The following TRPC7 variants were observed in gnomAD, a reference collection of about 807,000 sequenced individuals.
TRPC7 encodes the protein transient receptor potential cation channel subfamily C member 7.
In TRPC7, 42 loss-of-function variants were observed where a neutral mutation model predicts 90.1. The observed-to-expected ratio is 0.47, with a 90% CI of 0.36 to 0.60. The LOEUF (loss-of-function observed/expected upper bound fraction) is 0.60, where lower values mean the gene tolerates loss of function less well. Among genes scored for constraint, TRPC7 ranks in the 20% least tolerant of loss-of-function variants. The pLI is 0.00. For synonymous variants in TRPC7, 451 were observed against 436.3 expected (o/e 1.03, Z -0.42); for missense variants, 955 against 1,112.3 (o/e 0.86, Z 2.01).
At chr5:136,214,092 G>A (rs1447133138) in intron 11 of TRPC7, 1 of 155,934 alleles carries the variant, frequency 6.4e-6, no homozygotes, top group East Asian at 1.9e-4. Context: ...TGCAGCCGTG[G>A]TGGCCATGGA....
At chr5:136,307,065 A>G (rs761155566) in intron 3 of TRPC7, among the ~76,000 whole-genome samples, 2 of 152,226 alleles carry the variant, frequency 1.3e-5, no homozygotes, top group Non-Finnish European at 2.9e-5. Context: ...ATGTTTTGAT[A>G]TATGTATACA....
At chr5:136,294,701 A>T (rs556459904) in intron 3 of TRPC7, among the ~76,000 whole-genome samples, 16 of 152,312 alleles carry the variant, frequency 1.1e-4, no homozygotes, top group Non-Finnish European at 2.1e-4. Context: ...TGGGACTGTA[A>T]ACTAGTTCAA....
chr5:136,293,905 A>T (rs1372891922), intron 3 of TRPC7, among the ~76,000 whole-genome samples: 1 of 152,260 alleles, frequency 6.6e-6, no homozygotes, highest in Non-Finnish European at 1.5e-5. Context: ...ACAAGCCTAC[A>T]GTAACCAAAA....
chr5:136,301,265 G>T (rs1201120754), intron 3 of TRPC7, among the ~76,000 whole-genome samples: 1 of 149,662 alleles, frequency 6.7e-6, no homozygotes, highest in Non-Finnish European at 1.5e-5. Flanking sequence ...GACGTCAGAT[G>T]ATCCACCTGC....
At chr5:136,296,938 G>A (rs898614688) in intron 3 of TRPC7, among the ~76,000 whole-genome samples, 7 of 152,064 alleles carry the variant, frequency 4.6e-5, no homozygotes, top group Non-Finnish European at 1.0e-4. Flanking sequence ...CCCCTGCCTG[G>A]GGTTCCTGTT....
intron 5 of TRPC7, among the ~76,000 whole-genome samples, chr5:136,253,576 A>G (rs1210494325): frequency 2.0e-5 from 3 of 152,086 alleles, no homozygotes; most frequent in East Asian, 3.9e-4. Context: ...TGATGTTACT[A>G]TTGTAACTGA....
chr5:136,266,889 C>A (rs567148988), intron 4 of TRPC7, among the ~76,000 whole-genome samples: 1 of 152,188 alleles, frequency 6.6e-6, no homozygotes, highest in Non-Finnish European at 1.5e-5. Context: ...TAAAGCTATA[C>A]ATTTCTCACT....
intron 7 of TRPC7, among the ~76,000 whole-genome samples, chr5:136,244,199 T>C (rs1190087693): frequency 2.2e-5 from 3 of 138,892 alleles, no homozygotes; most frequent in African/African-American, 7.9e-5. Context: ...CTCTCCCTCC[T>C]CCTCCTTCTT....
intron 2 of TRPC7, among the ~76,000 whole-genome samples, chr5:136,335,276 G>A (rs1759618156): frequency 6.6e-6 from 1 of 152,024 alleles, no homozygotes; most frequent in East Asian, 1.9e-4. Context: ...AAGTCCTGCA[G>A]ACATTTCAAA....
intron 5 of TRPC7, among the ~76,000 whole-genome samples, chr5:136,261,493 C>A (rs117349496): frequency 6.6e-6 from 1 of 152,228 alleles, no homozygotes; most frequent in African/African-American, 2.4e-5. Flanking sequence ...TCTGCTTCCA[C>A]ACTAAATCCC....
chr5:136,342,153 T>C (rs1229329479), intron 2 of TRPC7, among the ~76,000 whole-genome samples: 4 of 152,208 alleles, frequency 2.6e-5, no homozygotes, highest in East Asian at 1.9e-4. Context: ...TTTTGAAATA[T>C]AGCCTCAACT....
chr5:136,323,616 T>C (rs1470308230), intron 2 of TRPC7, among the ~76,000 whole-genome samples: 1 of 152,220 alleles, frequency 6.6e-6, no homozygotes, highest in Non-Finnish European at 1.5e-5. Context: ...GTAGTCTTTT[T>C]TGCACATCTG....
chr5:136,365,487 T>G lies in TRPC7; in HGVS notation c.-233A>C. 2 of 570,150 alleles carry G rather than the reference T, an allele frequency of 3.5e-6. No homozygotes were observed. Among genetic ancestry groups the G allele is most frequent in the South Asian group, 4.9e-5 (2 of 41,100 alleles). The allele number at this position is 570,150 out of a possible 1,614,324, so 35.3% of individuals were successfully genotyped here. A position where few individuals can be genotyped will look rare whatever the true frequency, so the allele number is the denominator to read the frequency against. ...CGAGGCAGAACCGTGTTACCGTCCT[T>G]TTCCTAATCGGGGGGAAATTTCCCA... is the stretch of plus-strand genomic sequence containing the variant. On this transcript the variant is annotated 5_prime_UTR_variant, in exon 1 of 12. Transcript: ENST00000513104.
intron 2 of TRPC7, among the ~76,000 whole-genome samples, chr5:136,325,154 T>C (rs1487538513): frequency 6.6e-6 from 1 of 152,250 alleles, no homozygotes; most frequent in Non-Finnish European, 1.5e-5. Context: ...AACTATTCTG[T>C]AGAGCTGATA....
chr5:136,268,386 G>T (rs1399065452), intron 4 of TRPC7, among the ~76,000 whole-genome samples: 1 of 152,124 alleles, frequency 6.6e-6, no homozygotes, highest in African/African-American at 2.4e-5. Context: ...TCCCAGCAAG[G>T]TTTCAAGAAT....
chr5:136,291,307 T>C (rs1222097163), intron 3 of TRPC7, among the ~76,000 whole-genome samples: 1 of 152,238 alleles, frequency 6.6e-6, no homozygotes, highest in Non-Finnish European at 1.5e-5. Flanking sequence ...ACCTTAAATG[T>C]AAATGGGCTA....
chr5:136,317,066 G>A (rs1425017718), intron 2 of TRPC7, among the ~76,000 whole-genome samples: 1 of 152,142 alleles, frequency 6.6e-6, no homozygotes, highest in African/African-American at 2.4e-5. Flanking sequence ...TTGTTTGCTG[G>A]GAAAAGGGAA....
chr5:136,228,758 A>G (rs1755719148), intron 8 of TRPC7, among the ~76,000 whole-genome samples: 1 of 152,176 alleles, frequency 6.6e-6, no homozygotes, highest in South Asian at 2.1e-4. Context: ...TGCATCATCA[A>G]AACTACATGT....
intron 10 of TRPC7, among the ~76,000 whole-genome samples, chr5:136,222,942 GT>G (rs1334216809): frequency 6.6e-6 from 1 of 152,184 alleles, no homozygotes; most frequent in Admixed American, 6.5e-5. Context: ...CTGCATCCAG[GT>G]ATCTTTTAGT....
Sources: allele counts gnomAD v4.1 joint callset (sites outside exome capture counted in the v4.1 genomes callset), GRCh38; gene constraint gnomAD v4.1.1; transcripts MANE v1.5; gene names NCBI Gene and HGNC (gene_info 2026-07-23, HGNC 2026-07-21).